TAFA1: variants seen among roughly 807,000 people sequenced by gnomAD.
TAFA1 encodes the protein chemokine-like protein TAFA-1.
TAFA1 carries 4 observed loss-of-function variants against 18.5 expected under a neutral mutation model. The observed-to-expected ratio is 0.22, with a 90% CI of 0.11 to 0.49. The LOEUF is 0.49. Among genes scored for constraint, TAFA1 ranks in the 20% least tolerant of loss-of-function variants. TAFA1 has a pLI of 0.98. For missense variants in TAFA1, 147 were observed against 169.0 expected (o/e 0.87, Z 0.72); for synonymous variants, 56 against 55.2 (o/e 1.01, Z -0.06).
At chr3:68,209,978 A>G (rs1364279001) in intron 2 of TAFA1, among the ~76,000 whole-genome samples, 3 of 151,976 alleles carry the variant, frequency 2.0e-5, no homozygotes, top group Non-Finnish European at 4.4e-5. Context: ...AAACACAGTT[A>G]AACATGGTCT....
At position 68,520,102 on chromosome 3, in the gene TAFA1, G is replaced by A. The variant is rs551445788; in HGVS notation, c.260-18654G>A. ...GCACTGGTGATTGTTTTTTTTCTTT[G>A]GGAAAAGTTGTCGTCTCAGAAAGTA... On this transcript the variant is annotated intron_variant, in intron 3 of 4. Coordinates refer to ENST00000478136, the MANE Select transcript of TAFA1 (RefSeq NM_213609.4). Among the ~76,000 whole-genome samples the A allele has an allele frequency of 6.6e-5, 10 of 152,022 alleles. No individual in the cohort carries two copies. In the South Asian group the frequency reaches 1.5e-3, roughly 22 times the overall value.
rs1211489369 is a variant in TAFA1 at position 68,374,799 on chromosome 3, C to A, written c.119-42481C>A. 2.0e-5 allele frequency among the ~76,000 whole-genome samples: 3 copies of A among 152,142 alleles called. No individual in the cohort carries two copies. The South Asian group carries it at 6.2e-4, about 32-fold the overall frequency. On this transcript the variant is annotated intron_variant, in intron 2 of 4. Transcript: ENST00000478136. Reference sequence around the variant, plus strand: ...TTTCTTGTGAGATGAATGTCTCCATCCCTGCTAAGAACTCCAGCTCAGCCT... The same window carrying A: ...TTTCTTGTGAGATGAATGTCTCCATACCTGCTAAGAACTCCAGCTCAGCCT...
In TAFA1 at chr3:68,076,929, G is replaced by A. The variant is rs563053008; in HGVS notation, c.118+70185G>A. 3.5e-3 allele frequency among the ~76,000 whole-genome samples: 536 copies of A among 152,276 alleles called. 2 individuals are homozygous for A. Among genetic ancestry groups the A allele is most frequent in the African/African-American group, 0.012 (500 of 41,564 alleles). On this transcript the variant is annotated intron_variant, in intron 2 of 4. Transcript: ENST00000478136. ...ACTAGTTTACAATCCCACCAACAGT[G>A]TAAAAGTGTTCCTATTTCTCCACAT...
chr3:68,265,593 A>G (rs2067526351), intron 2 of TAFA1, among the ~76,000 whole-genome samples: 1 of 152,172 alleles, frequency 6.6e-6, no homozygotes, highest in African/African-American at 2.4e-5. Flanking sequence ...GCACAGAGTG[A>G]TATGAGGCCT....
Position 68,498,722 on chromosome 3 carries a change from C to CTTTTTTT in TAFA1, c.260-40005_260-39999dup, listed in dbSNP as rs34030223. On this transcript the variant is annotated intron_variant, in intron 3 of 4. Coordinates refer to ENST00000478136, the MANE Select transcript of TAFA1 (RefSeq NM_213609.4). ...AATTCCTCCCAAAGCCGTTTGGTGG[C>CTTTTTTT]TTTTTTTTTTTTTTTTTTTTTTTTT... Among the ~76,000 whole-genome samples the CTTTTTTT allele has an allele frequency of 1.9e-3, 180 of 96,984 alleles. 21 individuals are homozygous for CTTTTTTT. The highest frequency in any genetic ancestry group is 7.1e-3 in the African/African-American group (148 of 20,852). 63.6% of individuals were successfully genotyped at this position (96,984 alleles called of 152,430 possible). A position where few individuals can be genotyped will look rare whatever the true frequency, so the allele number is the denominator to read the frequency against.
chr3:68,212,311 C>T (rs1469494551), intron 2 of TAFA1, among the ~76,000 whole-genome samples: 1 of 151,728 alleles, frequency 6.6e-6, no homozygotes, highest in Non-Finnish European at 1.5e-5. Flanking sequence ...GAGAAAAAGG[C>T]CAGATCACAT....
intron 3 of TAFA1, among the ~76,000 whole-genome samples, chr3:68,459,830 T>C (rs1332625220): frequency 1.3e-5 from 2 of 152,224 alleles, no homozygotes; most frequent in Non-Finnish European, 2.9e-5. Flanking sequence ...AAACTTCTCA[T>C]GTGTAATCAG....
At chr3:68,190,929 C>A (rs571292286) in intron 2 of TAFA1, among the ~76,000 whole-genome samples, 1 of 151,812 alleles carries the variant, frequency 6.6e-6, no homozygotes, top group South Asian at 2.1e-4. Context: ...TTAACAAATA[C>A]CTCTCACCCC....
intron 2 of TAFA1, among the ~76,000 whole-genome samples, chr3:68,179,605 G>T (rs931677604): frequency 6.6e-6 from 1 of 152,094 alleles, no homozygotes; most frequent in Admixed American, 6.6e-5. Context: ...ATTTATTAAA[G>T]AACCTCTTGT....
chr3:68,339,699 A>G (rs2069047060), intron 2 of TAFA1, among the ~76,000 whole-genome samples: 1 of 152,202 alleles, frequency 6.6e-6, no homozygotes, highest in African/African-American at 2.4e-5. Context: ...TCCTTAATGT[A>G]GATTTTTGAG....
At chr3:68,276,937 T>G (rs899890203) in intron 2 of TAFA1, among the ~76,000 whole-genome samples, 9 of 152,174 alleles carry the variant, frequency 5.9e-5, no homozygotes, top group Non-Finnish European at 1.3e-4. Context: ...TTTCTGATTT[T>G]AAATATTCAA....
intron 3 of TAFA1, among the ~76,000 whole-genome samples, chr3:68,452,222 A>G (rs2071576658): frequency 6.6e-6 from 1 of 152,180 alleles, no homozygotes; most frequent in Non-Finnish European, 1.5e-5. Context: ...TATGCACTGT[A>G]CTTTTATTAG....
intron 2 of TAFA1, among the ~76,000 whole-genome samples, chr3:68,203,950 GCC>G (rs68051336): frequency 1.6e-5 from 2 of 126,154 alleles, no homozygotes; most frequent in South Asian, 2.6e-4. Flanking sequence ...AATGTCAAAG[GCC>G]CCCCCCACCC....
At chr3:68,325,381 TTCTC>T (rs985805605) in intron 2 of TAFA1, among the ~76,000 whole-genome samples, 9 of 152,190 alleles carry the variant, frequency 5.9e-5, no homozygotes, top group African/African-American at 2.2e-4. Flanking sequence ...TTCAATCTCT[TTCTC>T]ATCTGTAAAC....
intron 2 of TAFA1, among the ~76,000 whole-genome samples, chr3:68,220,177 A>C (rs1250735438): frequency 6.6e-6 from 1 of 152,204 alleles, no homozygotes; most frequent in African/African-American, 2.4e-5. Context: ...CATTTGGTTC[A>C]TTAACTCAAG....
intron 2 of TAFA1, among the ~76,000 whole-genome samples, chr3:68,062,235 A>C (rs1211892907): frequency 6.6e-6 from 1 of 152,128 alleles, no homozygotes; most frequent in African/African-American, 2.4e-5. Flanking sequence ...AGGGCACCGC[A>C]ACAGGGGATG....
At chr3:68,021,839 A>G (rs1052157000) in intron 2 of TAFA1, among the ~76,000 whole-genome samples, 3 of 152,134 alleles carry the variant, frequency 2.0e-5, no homozygotes, top group Admixed American at 6.6e-5. Context: ...TAAATTTGCA[A>G]TTAGTGTTTC....
chr3:68,107,878 A>AT, intron 2 of TAFA1, among the ~76,000 whole-genome samples: 1 of 152,058 alleles, frequency 6.6e-6, no homozygotes, highest in East Asian at 1.9e-4. Flanking sequence ...GTTTTTGTTG[A>AT]TTTTACAGAG....
chr3:68,029,003 T>C (rs1056601552), intron 2 of TAFA1, among the ~76,000 whole-genome samples: 1 of 152,024 alleles, frequency 6.6e-6, no homozygotes, highest in Non-Finnish European at 1.5e-5. Flanking sequence ...TCCACTTACC[T>C]TGGTTTCTCA....
Sources: allele counts gnomAD v4.1 joint callset (sites outside exome capture counted in the v4.1 genomes callset), GRCh38; gene constraint gnomAD v4.1.1; transcripts MANE v1.5; gene names NCBI Gene and HGNC (gene_info 2026-07-23, HGNC 2026-07-21).